Variants in NOL4 observed in about 807,000 individuals in gnomAD.
NOL4 encodes nucleolar protein 4.
In NOL4, 17 loss-of-function variants were observed where a neutral mutation model predicts 75.9. The observed-to-expected ratio is 0.22, with a 90% CI of 0.15 to 0.34. The LOEUF (loss-of-function observed/expected upper bound fraction) is 0.34. Among genes scored for constraint, NOL4 ranks in the 10% least tolerant of loss-of-function variants. The pLI is 1.00. For synonymous variants in NOL4, 292 were observed against 289.9 expected, an observed-to-expected ratio of 1.01 and a Z score of -0.07; for missense variants, 614 against 793.5, an observed-to-expected ratio of 0.77 and a Z score of 2.72.
intron 5 of NOL4, among the ~76,000 whole-genome samples, chr18:34,052,862 G>T (rs2144999348): frequency 6.6e-6 from 1 of 152,112 alleles, no homozygotes; most frequent in East Asian, 1.9e-4. Context: ...GAATAGATTG[G>T]AGCAGTCCAA....
chr18:33,921,590 A>C (rs76195182), intron 9 of NOL4, among the ~76,000 whole-genome samples: 4,639 of 152,276 alleles, frequency 0.03, 105 homozygotes, highest in Non-Finnish European at 0.033. Context: ...AGACAGAAAC[A>C]GGGATTGGAA....
At chr18:33,859,378 TAGAC>T (rs2062983167) in intron 10 of NOL4, among the ~76,000 whole-genome samples, 1 of 152,202 alleles carries the variant, frequency 6.6e-6, no homozygotes, top group African/African-American at 2.4e-5. Context: ...TATGTATTGT[TAGAC>T]AGTTGGGGGT....
chr18:34,064,545 T>C (rs1193867293), intron 5 of NOL4, among the ~76,000 whole-genome samples: 4 of 151,990 alleles, frequency 2.6e-5, no homozygotes, highest in African/African-American at 9.7e-5. Flanking sequence ...GATCATATAC[T>C]ATGGTACAGT....
intron 1 of NOL4, among the ~76,000 whole-genome samples, chr18:34,172,568 G>T (rs2033153231): frequency 6.6e-6 from 1 of 152,028 alleles, no homozygotes; most frequent in African/African-American, 2.4e-5. Flanking sequence ...GCACTATATG[G>T]TAGTTCTGTT....
intron 5 of NOL4, among the ~76,000 whole-genome samples, chr18:34,036,730 C>T (rs574625624): frequency 6.6e-6 from 1 of 152,182 alleles, no homozygotes; most frequent in East Asian, 1.9e-4. Context: ...TCAAGACTAG[C>T]CTGGCTAATA....
intron 6 of NOL4, among the ~76,000 whole-genome samples, chr18:33,970,885 A>C (rs2071001826): frequency 6.6e-6 from 1 of 152,120 alleles, no homozygotes; most frequent in Non-Finnish European, 1.5e-5. Flanking sequence ...CAATGTGTGA[A>C]AAGAGTGTTA....
intron 5 of NOL4, among the ~76,000 whole-genome samples, chr18:34,074,572 T>A (rs931940125): frequency 2.6e-5 from 4 of 151,986 alleles, no homozygotes; most frequent in Non-Finnish European, 4.4e-5. Flanking sequence ...ATGAAACTAA[T>A]GCAAGCATAA....
At chr18:34,099,841 C>A (rs1016913447) in intron 4 of NOL4, among the ~76,000 whole-genome samples, 1 of 152,098 alleles carries the variant, frequency 6.6e-6, no homozygotes, top group East Asian at 1.9e-4. Flanking sequence ...GTGAGTAATT[C>A]TCTTTTTCCC....
intron 9 of NOL4, among the ~76,000 whole-genome samples, chr18:33,917,734 G>C (rs113232916): frequency 2.0e-5 from 3 of 151,952 alleles, no homozygotes; most frequent in South Asian, 4.2e-4. Context: ...AAACTCCTAG[G>C]TTTCTGCAAT....
chr18:34,059,996 C>A (rs1014236072), intron 5 of NOL4, among the ~76,000 whole-genome samples: 10 of 152,224 alleles, frequency 6.6e-5, no homozygotes, highest in African/African-American at 2.4e-4. Context: ...AAGTCAAGTC[C>A]TCGGAGGACT....
At chr18:34,025,114 T>A (rs1480744333) in intron 5 of NOL4, among the ~76,000 whole-genome samples, 2 of 152,182 alleles carry the variant, frequency 1.3e-5, no homozygotes, top group Admixed American at 6.6e-5. Context: ...TATAAAAATC[T>A]GGAAAAATTT....
intron 6 of NOL4, among the ~76,000 whole-genome samples, chr18:33,962,871 G>C (rs1378364753): frequency 6.6e-6 from 1 of 152,192 alleles, no homozygotes; most frequent in Non-Finnish European, 1.5e-5. Context: ...AGTTGGAACA[G>C]TAAAAAATGT....
intron 10 of NOL4, among the ~76,000 whole-genome samples, chr18:33,855,175 G>T (rs79669110): frequency 0.02 from 2,968 of 151,972 alleles, 45 homozygotes; most frequent in Middle Eastern, 0.051. Context: ...CACTACTATG[G>T]GGTTGAGCAA....
intron 4 of NOL4, among the ~76,000 whole-genome samples, chr18:34,098,177 C>G (rs896067951): frequency 1.3e-5 from 2 of 152,084 alleles, no homozygotes; most frequent in Admixed American, 1.3e-4. Context: ...ATTTCTCTCT[C>G]CTCCCCTTGA....
intron 9 of NOL4, among the ~76,000 whole-genome samples, chr18:33,918,545 T>A (rs930712354): frequency 2.0e-4 from 31 of 152,214 alleles, no homozygotes; most frequent in Non-Finnish European, 8.8e-5. Flanking sequence ...CTTATTCCTA[T>A]TCTTTTAACA....
chr18:34,007,005 C>T (rs978020179), intron 6 of NOL4, among the ~76,000 whole-genome samples: 6 of 152,002 alleles, frequency 3.9e-5, no homozygotes, highest in African/African-American at 1.4e-4. Context: ...AAAAGTTTTG[C>T]TTCCTGTTCC....
chr18:34,223,523 T>C lies in NOL4; in HGVS notation c.-270A>G. Reference sequence around the variant, plus strand: ...TTTCCTGTTCCCTTAGCGGTCGGTCTCTTTAATATTTTGTGACCAGGACCA... The same window carrying C: ...TTTCCTGTTCCCTTAGCGGTCGGTCCCTTTAATATTTTGTGACCAGGACCA... On this transcript the variant is annotated 5_prime_UTR_variant, in exon 1 of 11. Transcript: ENST00000261592. The C allele has an allele frequency of 1.8e-6, 1 of 547,536 alleles. No homozygotes were observed. Among genetic ancestry groups the C allele is most frequent in the East Asian group, 3.1e-5 (1 of 32,060 alleles). The allele number at this position is 547,536 out of a possible 1,614,324, so 33.9% of individuals were successfully genotyped here.
intron 1 of NOL4, among the ~76,000 whole-genome samples, chr18:34,180,951 G>T (rs2033985739): frequency 6.6e-6 from 1 of 151,306 alleles, no homozygotes; most frequent in Non-Finnish European, 1.5e-5. Flanking sequence ...TATACTCCAA[G>T]ATTATAGGTT....
At chr18:34,169,139 T>C (rs1289748935) in intron 1 of NOL4, among the ~76,000 whole-genome samples, 5 of 151,872 alleles carry the variant, frequency 3.3e-5, no homozygotes, top group Non-Finnish European at 7.4e-5. Flanking sequence ...GCACCAGAAA[T>C]AGTAACCACA....
Sources: allele counts gnomAD v4.1 joint callset (sites outside exome capture counted in the v4.1 genomes callset), GRCh38; gene constraint gnomAD v4.1.1; transcripts MANE v1.5; gene names NCBI Gene and HGNC (gene_info 2026-07-23, HGNC 2026-07-21).